Variants in HP1BP3 observed in about 807,000 individuals in gnomAD.
HP1BP3 encodes the protein heterochromatin protein 1-binding protein 3.
In HP1BP3, 12 loss-of-function variants were observed where a neutral mutation model predicts 62.5. That is an observed-to-expected ratio of 0.19 (90% CI 0.12 to 0.31). HP1BP3 has a LOEUF of 0.31. Ranked by LOEUF, HP1BP3 falls within the 10% of genes least tolerant of loss-of-function variation. The pLI, the probability that HP1BP3 is intolerant of heterozygous loss-of-function variation, is 1.00. For synonymous variants in HP1BP3, 260 were observed against 237.8 expected (o/e 1.09, Z -0.86); for missense variants, 502 against 651.8 (o/e 0.77, Z 2.50).
At chr1:20,766,744 A>G (rs946743305) in intron 7 of HP1BP3, among the ~76,000 whole-genome samples, 6 of 152,026 alleles carry the variant, frequency 3.9e-5, no homozygotes, top group African/African-American at 1.4e-4. Flanking sequence ...GGTGGAGGCC[A>G]GCCTGGCCAA....
At chr1:20,768,637 T>G (rs957924065) in intron 6 of HP1BP3, among the ~76,000 whole-genome samples, 11 of 151,986 alleles carry the variant, frequency 7.2e-5, no homozygotes, top group Non-Finnish European at 1.2e-4. Flanking sequence ...GTCAAGAGTT[T>G]GAAACCAGCC....
rs1033647301 is a variant in HP1BP3, at chr1:20,742,602, T to G, written c.*2195A>C. 1 of 152,652 alleles carries G rather than the reference T, an allele frequency of 6.6e-6. No homozygotes were observed. Among genetic ancestry groups the G allele is most frequent in the African/African-American group, 2.4e-5 (1 of 41,472 alleles). The allele number at this position is 152,652 out of a possible 1,614,324, so 9.5% of individuals were successfully genotyped here. On this transcript the variant is annotated 3_prime_UTR_variant, in exon 13 of 13. Transcript: ENST00000438032. Reference sequence around the variant, plus strand: ...GTTCATTTCAAGGAGTAGAAAAGACTTAAAGTGAGGGCGACACTTAGCTAC... The same window carrying G: ...GTTCATTTCAAGGAGTAGAAAAGACGTAAAGTGAGGGCGACACTTAGCTAC...
chr1:20,753,653 AC>A (rs1374352664), intron 9 of HP1BP3, among the ~76,000 whole-genome samples: 1 of 152,256 alleles, frequency 6.6e-6, no homozygotes, highest in Non-Finnish European at 1.5e-5. Context: ...TTAAGGTAAC[AC>A]AGTCCAAGAA....
At chr1:20,780,111 T>C (rs1412696819) in intron 2 of HP1BP3, among the ~76,000 whole-genome samples, 200 bp from the exon 3 acceptor site, 3 of 152,232 alleles carry the variant, frequency 2.0e-5, no homozygotes, top group East Asian at 3.8e-4. Context: ...TTATTTTAGC[T>C]TGAATTTCAA....
At chr1:20,786,193 C>G (rs1019789608) in intron 1 of HP1BP3, 2 of 152,338 alleles carry the variant, frequency 1.3e-5, no homozygotes, top group African/African-American at 2.4e-5. Flanking sequence ...CACCTCACCA[C>G]TCCTGCCTCC....
At chr1:20,762,946 G>C (rs2056569477) in intron 8 of HP1BP3, among the ~76,000 whole-genome samples, 1 of 152,190 alleles carries the variant, frequency 6.6e-6, no homozygotes, top group Non-Finnish European at 1.5e-5. Flanking sequence ...CCCCAGTGTT[G>C]CAGGTGGGGC....
intron 3 of HP1BP3, among the ~76,000 whole-genome samples, chr1:20,777,312 T>C (rs1251754362): frequency 1.3e-5 from 2 of 151,398 alleles, no homozygotes; most frequent in East Asian, 3.9e-4. Flanking sequence ...AAAAAAAACA[T>C]GAAAGAAAAA....
At chr1:20,757,728 C>G (rs1168947000) in intron 8 of HP1BP3, among the ~76,000 whole-genome samples, 1 of 151,984 alleles carries the variant, frequency 6.6e-6, no homozygotes, top group Non-Finnish European at 1.5e-5. Flanking sequence ...AGAAAATTTC[C>G]AAAGACACCT....
chr1:20,744,704 T>G lies in HP1BP3; in HGVS notation c.*93A>C. 1 of 1,189,896 alleles carries G rather than the reference T, an allele frequency of 8.4e-7. No homozygotes were observed. The highest frequency in any genetic ancestry group is 2.3e-5 in the East Asian group (1 of 42,696). 73.7% of individuals were successfully genotyped at this position (1,189,896 alleles called of 1,614,324 possible). A position where few individuals can be genotyped will look rare whatever the true frequency, so the allele number is the denominator to read the frequency against. On this transcript the variant is annotated 3_prime_UTR_variant, in exon 13 of 13. Coordinates refer to ENST00000438032, the MANE Select transcript of HP1BP3 (RefSeq NM_001372052.1). ...ATGTTCATAGGGGAGGAAAATAATG[T>G]AATTTGAAAAGCATCAAAACTAAAC...
At chr1:20,784,542 G>A (rs540613516) in intron 1 of HP1BP3, among the ~76,000 whole-genome samples, 1 of 146,276 alleles carries the variant, frequency 6.8e-6, no homozygotes, top group Non-Finnish European at 1.5e-5. Flanking sequence ...GCGGTGGCGC[G>A]ATCTCGGCTC....
chr1:20,782,548 C>G (rs1570685060), intron 1 of HP1BP3, among the ~76,000 whole-genome samples: 1 of 150,928 alleles, frequency 6.6e-6, no homozygotes, highest in East Asian at 2.0e-4. Context: ...CGAGCCACTG[C>G]ATTCCAGCCT....
At chr1:20,755,426 A>G (rs762725120) in intron 9 of HP1BP3, 1 of 449,932 alleles carries the variant, frequency 2.2e-6, no homozygotes, top group South Asian at 1.6e-5. Flanking sequence ...ACAAAAATTA[A>G]TCAGGCATGG....
intron 8 of HP1BP3, among the ~76,000 whole-genome samples, chr1:20,763,141 C>A (rs2056582342): frequency 6.6e-6 from 1 of 152,180 alleles, no homozygotes; most frequent in Admixed American, 6.5e-5. Flanking sequence ...CTCCTCCTTC[C>A]ACCATGATTG....
chr1:20,755,237 T>C, intron 9 of HP1BP3: 1 of 315,376 alleles, frequency 3.2e-6, no homozygotes, highest in Non-Finnish European at 6.7e-6. Context: ...ATGGCTATAA[T>C]AAAAAAGAGT....
intron 8 of HP1BP3, among the ~76,000 whole-genome samples, chr1:20,764,585 A>C (rs534030090): frequency 6.6e-6 from 1 of 150,654 alleles, no homozygotes; most frequent in African/African-American, 2.4e-5. Context: ...AAGATATTTC[A>C]TATCTGAGAA....
At chr1:20,760,033 C>T (rs894149507) in intron 8 of HP1BP3, among the ~76,000 whole-genome samples, 4 of 152,016 alleles carry the variant, frequency 2.6e-5, no homozygotes, top group Non-Finnish European at 5.9e-5. Flanking sequence ...GGATTACAGG[C>T]ATGTGCCACC....
chr1:20,766,708 G>A (rs766203960), intron 7 of HP1BP3, among the ~76,000 whole-genome samples: 3 of 152,180 alleles, frequency 2.0e-5, no homozygotes, highest in Non-Finnish European at 2.9e-5. Flanking sequence ...GGGAGGCGGA[G>A]GCAGGCAGAT....
chr1:20,755,035 G>A (rs2056015076), intron 9 of HP1BP3, among the ~76,000 whole-genome samples: 1 of 152,160 alleles, frequency 6.6e-6, no homozygotes, highest in Non-Finnish European at 1.5e-5. Context: ...AATCTGATGA[G>A]ACTTTATGTC....
At chr1:20,774,452 T>A (rs1294137367) in intron 4 of HP1BP3, 1 of 152,206 alleles carries the variant, frequency 6.6e-6, no homozygotes, top group Non-Finnish European at 1.5e-5. Context: ...ACCCTGAAGA[T>A]TATAGCTAGA....
Sources: gnomAD v4.1 joint callset for allele counts (sites outside exome capture counted in the v4.1 genomes callset) on GRCh38, gnomAD v4.1.1 for gene constraint, MANE v1.5 for transcripts, NCBI Gene and HGNC (gene_info 2026-07-23, HGNC 2026-07-21) for gene names.